Variants in CDH10 observed in about 807,000 individuals in gnomAD.
The protein encoded by CDH10 is cadherin 10.
CDH10 carries 30 observed loss-of-function variants against 73.1 expected under a neutral mutation model. The ratio of observed to expected loss-of-function variants is 0.41; its 90% CI spans 0.31 to 0.56. The LOEUF is 0.56. CDH10 is among the 20% of genes least tolerant of loss of function. CDH10 has a pLI of 0.27. For synonymous variants in CDH10, 345 were observed against 348.2 expected, an observed-to-expected ratio of 0.99 and a Z score of 0.10; for missense variants, 815 against 973.7, an observed-to-expected ratio of 0.84 and a Z score of 2.17.
chr5:24,618,874 A>G (rs1747211036), intron 1 of CDH10, among the ~76,000 whole-genome samples: 1 of 152,176 alleles, frequency 6.6e-6, no homozygotes, highest in African/African-American at 2.4e-5. Flanking sequence ...GAGGCATTGT[A>G]TATTATTTAA....
At chr5:24,616,825 A>T (rs544186051) in intron 1 of CDH10, among the ~76,000 whole-genome samples, 1 of 152,290 alleles carries the variant, frequency 6.6e-6, no homozygotes, top group South Asian at 2.1e-4. Flanking sequence ...ATGACCATAA[A>T]TTATACTGGT....
intron 5 of CDH10, among the ~76,000 whole-genome samples, chr5:24,531,216 C>G (rs899323669): frequency 3.9e-5 from 6 of 152,042 alleles, no homozygotes; most frequent in African/African-American, 1.4e-4. Context: ...CTTCCCCAGT[C>G]ACCAAATCCT....
intron 5 of CDH10, among the ~76,000 whole-genome samples, chr5:24,517,404 G>C (rs1743147526): frequency 6.6e-6 from 1 of 152,152 alleles, no homozygotes; most frequent in South Asian, 2.1e-4. Context: ...GAATTGAAGG[G>C]AAAGTGGGAA....
chr5:24,618,864 G>C (rs1469493278), intron 1 of CDH10, among the ~76,000 whole-genome samples: 1 of 152,156 alleles, frequency 6.6e-6, no homozygotes, highest in Non-Finnish European at 1.5e-5. Context: ...GAAGCACCTA[G>C]AGGCATTGTA....
rs1299821656 is a variant in CDH10, at chr5:24,487,899, G to A, written c.2131C>T (p.Arg711Trp). ...TPTAPDNTDV[R>W]DFINERLKEH... ...TTTAGCCTTTCATTAATGAAATCCC[G>A]GACGTCCGTGTTATCTGGAGCTGTA... Residue 711 changes from arginine to tryptophan, a missense_variant, in exon 12 of 12, where the codon CGG (arginine) becomes TGG (tryptophan). Physicochemically the swap from Arg to Trp is moderately radical, Grantham distance 101. Transcript: ENST00000264463. 1.2e-6 allele frequency: 2 copies of A among 1,613,684 alleles called. No homozygotes were observed. Among genetic ancestry groups the A allele is most frequent in the Non-Finnish European group, 8.5e-7 (1 of 1,179,884 alleles).
In CDH10 at chr5:24,593,251, C is replaced by G. The variant is rs748255971; in HGVS notation, c.231+9G>C. 2 of 1,490,136 alleles carry G rather than the reference C, an allele frequency of 1.3e-6. No homozygotes were observed. The highest frequency in any genetic ancestry group is 2.8e-5 in the African/African-American group (2 of 72,238). 92.3% of individuals were successfully genotyped at this position (1,490,136 alleles called of 1,614,324 possible). On this transcript the variant is annotated intron_variant, in intron 2 of 11. Coordinates refer to ENST00000264463, the MANE Select transcript of CDH10 (RefSeq NM_006727.5). ...AATATAAACACGTGCCATTTTAACA[C>G]AAGCTTACCTTGCCTACGTACTGAT...
chr5:24,515,152 A>G (rs1383308458), intron 5 of CDH10, among the ~76,000 whole-genome samples: 1 of 152,196 alleles, frequency 6.6e-6, no homozygotes, highest in Non-Finnish European at 1.5e-5. Flanking sequence ...GTTAGAAAAT[A>G]TTACCAACAC....
At chr5:24,617,814 C>T (rs989879118) in intron 1 of CDH10, among the ~76,000 whole-genome samples, 1 of 152,160 alleles carries the variant, frequency 6.6e-6, no homozygotes, top group Non-Finnish European at 1.5e-5. Flanking sequence ...CCCACCTCCC[C>T]GCCTGATGCA....
intron 2 of CDH10, among the ~76,000 whole-genome samples, chr5:24,565,380 C>T (rs1001280005): frequency 6.6e-6 from 1 of 152,116 alleles, no homozygotes. Context: ...AAACTGAACT[C>T]TAACATACCA....
chr5:24,584,475 T>TGTGAGAGAGAGA (rs775491066), intron 2 of CDH10, among the ~76,000 whole-genome samples: 1 of 79,690 alleles, frequency 1.3e-5, no homozygotes, highest in African/African-American at 4.7e-5. Flanking sequence ...TGTGTGTGTG[T>TGTGAGAGAGAGA]GAGAGAGAGA....
chr5:24,554,691 TTTAA>T (rs1246254267), intron 2 of CDH10, among the ~76,000 whole-genome samples: 1 of 152,158 alleles, frequency 6.6e-6, no homozygotes, highest in East Asian at 1.9e-4. Flanking sequence ...CTGATTTTCA[TTTAA>T]TTATGGTAAA....
At chr5:24,597,260 C>T in intron 1 of CDH10, among the ~76,000 whole-genome samples, 1 of 152,046 alleles carries the variant, frequency 6.6e-6, no homozygotes, top group African/African-American at 2.4e-5. Context: ...TGTTCTCATT[C>T]AGTGGGTCTG....
intron 5 of CDH10, among the ~76,000 whole-genome samples, chr5:24,530,830 A>G (rs1476922501): frequency 2.0e-5 from 3 of 152,108 alleles, no homozygotes; most frequent in Non-Finnish European, 4.4e-5. Context: ...TCCTTTTAAG[A>G]ATTATACTAA....
intron 2 of CDH10, among the ~76,000 whole-genome samples, chr5:24,576,900 A>C (rs1185396060): frequency 6.6e-6 from 1 of 152,024 alleles, no homozygotes; most frequent in Non-Finnish European, 1.5e-5. Flanking sequence ...AGCAATATTG[A>C]AAACATCTGT....
chr5:24,558,972 G>C (rs1161298493), intron 2 of CDH10, among the ~76,000 whole-genome samples: 1 of 151,720 alleles, frequency 6.6e-6, no homozygotes, highest in African/African-American at 2.4e-5. Flanking sequence ...TTATTTTACA[G>C]ATTTTAGAAA....
intron 2 of CDH10, among the ~76,000 whole-genome samples, chr5:24,580,144 A>AT (rs60952665): frequency 6.6e-6 from 1 of 152,064 alleles, no homozygotes; most frequent in Non-Finnish European, 1.5e-5. Flanking sequence ...TGAAAATTCT[A>AT]TTTTTTTAAC....
chr5:24,626,487 A>C (rs531344610), intron 1 of CDH10, among the ~76,000 whole-genome samples: 1 of 152,294 alleles, frequency 6.6e-6, no homozygotes, highest in South Asian at 2.1e-4. Flanking sequence ...CACGTTAAGC[A>C]TGATTATATT....
At chr5:24,617,855 C>A (rs919737950) in intron 1 of CDH10, among the ~76,000 whole-genome samples, 1 of 152,132 alleles carries the variant, frequency 6.6e-6, no homozygotes, top group Non-Finnish European at 1.5e-5. Flanking sequence ...TCAATATAAC[C>A]GTAAACCCAA....
Position 24,535,192 on chromosome 5 carries a change from T to C in CDH10, c.734A>G (p.Gln245Arg). 9 of 1,613,590 alleles carry C rather than the reference T, an allele frequency of 5.6e-6. No homozygotes were observed. The highest frequency in any genetic ancestry group is 7.6e-6 in the Non-Finnish European group (9 of 1,179,692). ...VVIQAKDMGGQMGGLSGTTTV... is the reference protein window; with the variant it reads ...VVIQAKDMGGRMGGLSGTTTV... ...GGTTGTCCCCGATAAGCCTCCCATC[T>C]GGCCGCCCATGTCTTTGGCCTGGAT... The change falls in exon 5 of 12, where the codon CAG becomes CGG. Residue 245 changes from glutamine (Q) to arginine (R), a missense_variant. By Grantham distance (43) the Gln-to-Arg change is conservative (BLOSUM62 1). This residue lies in a region of CDH10 where 516 missense variants were observed against 636.6 expected (regional missense o/e 0.81). Coordinates refer to ENST00000264463, the MANE Select transcript of CDH10 (RefSeq NM_006727.5).
Sources: allele counts gnomAD v4.1 joint callset (sites outside exome capture counted in the v4.1 genomes callset), GRCh38; gene constraint gnomAD v4.1.1; regional missense constraint gnomAD v4.1.1; transcripts MANE v1.5; gene names NCBI Gene and HGNC (gene_info 2026-07-23, HGNC 2026-07-21).